The following EPHA1 variants were observed in gnomAD, a reference collection of about 807,000 sequenced individuals.
EPHA1 encodes the protein EPH receptor A1, also known as ephrin type-A receptor 1.
A neutral mutation model predicts 110.1 loss-of-function variants in EPHA1; 92 were observed. That is an observed-to-expected ratio of 0.84 (90% CI 0.71 to 0.99). The LOEUF (loss-of-function observed/expected upper bound fraction) is 0.99. EPHA1 is among the 50% of genes least tolerant of loss of function. The probability of loss-of-function intolerance (pLI) is 0.00; values close to 1 mark genes in which losing one functional copy is unlikely to be tolerated. For synonymous variants in EPHA1, 500 were observed against 516.1 expected, an observed-to-expected ratio of 0.97 and a Z score of 0.42; for missense variants, 1,204 against 1,285.4, an observed-to-expected ratio of 0.94 and a Z score of 0.97.
rs770023126 is a variant in EPHA1 at position 143,397,975 on chromosome 7, G to T, written c.1560C>A (p.Thr520=). The part of the protein sequence containing the change: ...TTYIVRVRML[T]PLGPGPFSPD... Reference sequence around the variant, plus strand: ...GGGAGAAAGGGCCAGGACCCAGTGGGGTCAGCATTCGGACTCTGACGATGT... The same window carrying T: ...GGGAGAAAGGGCCAGGACCCAGTGGTGTCAGCATTCGGACTCTGACGATGT... Residue 520 remains threonine, a synonymous_variant, in exon 8 of 18, where the codon ACC becomes ACA. Coordinates refer to ENST00000275815, the MANE Select transcript of EPHA1 (RefSeq NM_005232.5). 1.2e-5 allele frequency: 20 copies of T among 1,614,028 alleles called. No individual in the cohort carries two copies. In the Admixed American group the frequency reaches 2.3e-4, roughly 19 times the overall value.
At position 143,397,605 on chromosome 7, in the gene EPHA1, C is replaced by T. The variant is rs1156841892; in HGVS notation, c.1668G>A (p.Leu556=). 5.6e-6 allele frequency: 9 copies of T among 1,614,184 alleles called. No individual in the cohort carries two copies. Among genetic ancestry groups the T allele is most frequent in the South Asian group, 1.1e-5 (1 of 91,082 alleles). Residue 556 remains leucine, a synonymous_variant, in exon 9 of 18, where the codon CTG becomes CTA. Transcript: ENST00000275815. The part of the protein sequence containing the change: ...GEIVAVIFGL[L]LGAALLLGIL... ...TCCCAAGCAGCAAGGCTGCACCAAG[C>T]AGCAGCCCAAAGATGACGGCTACAA...
At chr7:143,397,395 C>T (rs1464083094) in intron 9 of EPHA1, 33 bp from the exon 10 acceptor site, 3 of 1,549,346 alleles carry the variant, frequency 1.9e-6, no homozygotes, top group South Asian at 2.4e-5. Flanking sequence ...CCTTCAGGGC[C>T]CCAGGACCAC....
Position 143,398,744 on chromosome 7 carries a change from C to G in EPHA1, c.1193G>C (p.Gly398Ala). Reference sequence around the variant, plus strand: ...GACATGCACTGCAGGTGTGGTGAGCCCCCGGGCCCCCGGCGAGAAGTGCAC... The same window carrying G: ...GACATGCACTGCAGGTGTGGTGAGCGCCCGGGCCCCCGGCGAGAAGTGCAC... ...VGVHFSPGAR[G>A]LTTPAVHVNG... Residue 398 changes from glycine (G) to alanine (A), a missense_variant, in exon 6 of 18, where the codon GGG (glycine) becomes GCG (alanine). By Grantham distance (60) the Gly-to-Ala change is moderately conservative. Coordinates refer to ENST00000275815, the MANE Select transcript of EPHA1 (RefSeq NM_005232.5). 6.2e-7 allele frequency: 1 copy of G among 1,614,010 alleles called. No individual in the cohort carries two copies. The highest frequency in any genetic ancestry group is 8.5e-7 in the Non-Finnish European group (1 of 1,179,988).
intron 2 of EPHA1, among the ~76,000 whole-genome samples, chr7:143,406,018 T>C (rs1805538739): frequency 6.6e-6 from 1 of 152,014 alleles, no homozygotes; most frequent in African/African-American, 2.4e-5. Flanking sequence ...GCAGAAAGGG[T>C]GCTGTGAATT....
At position 143,396,372 on chromosome 7, in the gene EPHA1, C is replaced by T. The variant is rs375934169; in HGVS notation, c.1897+13G>A. On this transcript the variant is annotated intron_variant, in intron 11 of 17. Coordinates refer to ENST00000275815, the MANE Select transcript of EPHA1 (RefSeq NM_005232.5). ...ATGGCGGGGGGCCTGCTGCGGTGCA[C>T]AGCAGGACTCACCTTCTCCTATGAC... 18 of 1,609,430 alleles carry T rather than the reference C, an allele frequency of 1.1e-5. No homozygotes were observed. Among genetic ancestry groups the T allele is most frequent in the Non-Finnish European group, 1.4e-5 (17 of 1,178,778 alleles).
At chr7:143,399,195 CAA>C in intron 5 of EPHA1, 61 bp downstream of exon 5, 2 of 1,567,040 alleles carry the variant, frequency 1.3e-6, no homozygotes, top group South Asian at 1.2e-5. Flanking sequence ...CCAACCCTGA[CAA>C]AGTCTCAGCA....
At position 143,391,707 on chromosome 7, in the gene EPHA1, A is replaced by T; in HGVS notation, c.2765T>A (p.Leu922His). ...GTAGCGTTTCATGCGTATGGACTCG[A>T]GCCACTCAGAGACGGTTCGATATGG... ...GIPYRTVSEW[L>H]ESIRMKRYIL... Residue 922 changes from leucine to histidine, a missense_variant, in exon 17 of 18, where the codon CTC (leucine) becomes CAC (histidine). Leu to His is a moderately conservative substitution (Grantham distance 99). Transcript: ENST00000275815. 6.2e-7 allele frequency: 1 copy of T among 1,613,984 alleles called. No individual in the cohort carries two copies. Among genetic ancestry groups the T allele is most frequent in the Non-Finnish European group, 8.5e-7 (1 of 1,180,018 alleles).
intron 5 of EPHA1, 107 bp from the exon 6 acceptor site, chr7:143,399,052 T>C (rs1586583514): frequency 3.2e-6 from 4 of 1,239,348 alleles, no homozygotes; most frequent in Non-Finnish European, 2.2e-6. Flanking sequence ...TGAAGTCCTC[T>C]TGGGGAGATT....
At position 143,395,522 on chromosome 7, in the gene EPHA1, A is replaced by G; in HGVS notation, c.1898-18T>C. The G allele has an allele frequency of 6.2e-7, 1 of 1,612,490 alleles. No individual in the cohort carries two copies. Among genetic ancestry groups the G allele is most frequent in the South Asian group, 1.1e-5 (1 of 91,050 alleles). ...AAACTCTCCTGGGTAGAAAGAAAAC[A>G]GGCTGTGGCCCGATGCACTGCAGGG... On this transcript the variant is annotated intron_variant, in intron 11 of 17. Transcript: ENST00000275815. The surrounding 1 kb of genome is among the most constrained non-coding windows in gnomAD (Gnocchi z 4.7).
At position 143,395,239 on chromosome 7, in the gene EPHA1, C is replaced by T. The variant is rs1805211023; in HGVS notation, c.2084-57G>A. 6 of 1,613,068 alleles carry T rather than the reference C, an allele frequency of 3.7e-6. No individual in the cohort carries two copies. Among genetic ancestry groups the T allele is most frequent in the African/African-American group, 1.3e-5 (1 of 74,938 alleles). On this transcript the variant is annotated intron_variant, in intron 12 of 17. Coordinates refer to ENST00000275815, the MANE Select transcript of EPHA1 (RefSeq NM_005232.5). The surrounding 1 kb of genome is among the most constrained non-coding windows in gnomAD (Gnocchi z 4.7). The stretch of plus-strand genomic sequence containing the variant: ...ACCGGGCTTCCTGCCCTTGGCCACA[C>T]ATCCTCCCTCCACTTCCAGTGGTTT...
At chr7:143,405,359 C>T (rs1386307408) in intron 2 of EPHA1, among the ~76,000 whole-genome samples, 1 of 152,114 alleles carries the variant, frequency 6.6e-6, no homozygotes, top group African/African-American at 2.4e-5. Context: ...AGTAAGGATC[C>T]TTTTGCTTAT....
chr7:143,397,846 G>A lies in EPHA1; in HGVS notation c.1615+74C>T, dbSNP rs116896514. ...GTAGAGGAAGAGGAAAAGTCACTAC[G>A]TGGAACAGGAGCTGAGTTGCCTCAG... On this transcript the variant is annotated intron_variant, in intron 8 of 17. Coordinates refer to ENST00000275815, the MANE Select transcript of EPHA1 (RefSeq NM_005232.5). The A allele has an allele frequency of 1.2e-3, 1,913 of 1,585,718 alleles. 1 individual carries two copies. The highest frequency in any genetic ancestry group is 1.5e-3 in the Non-Finnish European group (1,709 of 1,160,482).
Position 143,398,738 on chromosome 7 carries a change from G to A in EPHA1, c.1199C>T (p.Thr400Ile), listed in dbSNP as rs1483496235. The A allele has an allele frequency of 1.2e-5, 19 of 1,614,006 alleles. No homozygotes were observed. Among genetic ancestry groups the A allele is most frequent in the African/African-American group, 2.7e-5 (2 of 75,048 alleles). ...GCCATTGACATGCACTGCAGGTGTG[G>A]TGAGCCCCCGGGCCCCCGGCGAGAA... ...VHFSPGARGLTTPAVHVNGLE... is the reference protein window; with the variant it reads ...VHFSPGARGLITPAVHVNGLE... Residue 400 changes from threonine (T) to isoleucine (I), a missense_variant, in exon 6 of 18, where the codon ACC (threonine) becomes ATC (isoleucine). Thr to Ile is a moderately conservative substitution (Grantham distance 89, BLOSUM62 -1). Coordinates refer to ENST00000275815, the MANE Select transcript of EPHA1 (RefSeq NM_005232.5).
At chr7:143,397,067 AAC>A (rs889164915) in intron 10 of EPHA1, among the ~76,000 whole-genome samples, 5 of 152,272 alleles carry the variant, frequency 3.3e-5, no homozygotes, top group African/African-American at 1.2e-4. Context: ...AACGGACACT[AAC>A]AGATAATTGC....
chr7:143,399,213 C>T, intron 5 of EPHA1, 45 bp downstream of exon 5: 1 of 1,586,696 alleles, frequency 6.3e-7, no homozygotes. Flanking sequence ...CAGCAAAGAT[C>T]CAGCCCCTCC....
chr7:143,391,284 A>C lies in EPHA1; in HGVS notation c.*173T>G. On this transcript the variant is annotated 3_prime_UTR_variant, in exon 18 of 18. Coordinates refer to ENST00000275815, the MANE Select transcript of EPHA1 (RefSeq NM_005232.5). ...TTACTTCTACCCCCACCTCCCTTTT[A>C]AAACAAAGAGGTTTTCTGGGGTGCA... The C allele has an allele frequency of 1.4e-6, 1 of 738,648 alleles. No homozygotes were observed. The highest frequency in any genetic ancestry group is 2.2e-6 in the Non-Finnish European group (1 of 454,334). 45.8% of individuals were successfully genotyped at this position (738,648 alleles called of 1,614,324 possible). A position where few individuals can be genotyped will look rare whatever the true frequency, so the allele number is the denominator to read the frequency against.
chr7:143,392,531 G>C (rs1805117442), intron 16 of EPHA1, among the ~76,000 whole-genome samples: 1 of 152,134 alleles, frequency 6.6e-6, no homozygotes. Flanking sequence ...AGCCTTGCCT[G>C]CTTCCCCAAC....
Position 143,394,255 on chromosome 7 carries a change from A to G in EPHA1, c.2441T>C (p.Ile814Thr). ...AAAGCTCAGCACCTCCCACATCACA[A>G]TCCCAAAGCTCCACACATCGCTGGC... ...TTASDVWSFG[I>T]VMWEVLSFGD... The change falls in exon 15 of 18, where the codon ATT becomes ACT. Residue 814 changes from isoleucine (I) to threonine (T), a missense_variant. Transcript: ENST00000275815. 1 of 1,614,020 alleles carries G rather than the reference A, an allele frequency of 6.2e-7. No homozygotes were observed. The highest frequency in any genetic ancestry group is 8.5e-7 in the Non-Finnish European group (1 of 1,179,994).
intron 7 of EPHA1, 39 bp downstream of exon 7, chr7:143,398,282 G>A: frequency 1.2e-6 from 2 of 1,611,576 alleles, no homozygotes; most frequent in Non-Finnish European, 1.7e-6. Context: ...GTGTGCCCGG[G>A]CATGGACACT....
Sources: gnomAD v4.1 joint callset for allele counts (sites outside exome capture counted in the v4.1 genomes callset) on GRCh38, gnomAD v4.1.1 for gene constraint, Gnocchi (gnomAD v3.1) non-coding constraint, MANE v1.5 for transcripts, NCBI Gene and HGNC (gene_info 2026-07-23, HGNC 2026-07-21) for gene names.